The following GPT2 variants were observed in gnomAD, a reference collection of about 807,000 sequenced individuals.
GPT2 encodes alanine aminotransferase 2.
Under a neutral mutation model 56.9 loss-of-function variants are expected in GPT2, and 30 were observed. The observed-to-expected ratio is 0.53, with a 90% confidence interval of 0.39 to 0.72. The LOEUF is 0.72. Among genes scored for constraint, GPT2 ranks in the 30% least tolerant of loss-of-function variants. The pLI, the probability that GPT2 is intolerant of heterozygous loss-of-function variation, is 0.00. For synonymous variants in GPT2, 271 were observed against 283.1 expected, an observed-to-expected ratio of 0.96 and a Z score of 0.43; for missense variants, 542 against 703.4, an observed-to-expected ratio of 0.77 and a Z score of 2.60.
At chr16:46,907,226 C>T (rs1442543083) in intron 5 of GPT2, among the ~76,000 whole-genome samples, 1 of 152,232 alleles carries the variant, frequency 6.6e-6, no homozygotes, top group Admixed American at 6.5e-5. Flanking sequence ...CCGGGGGACA[C>T]CCGAGGGTAG....
At chr16:46,901,240 A>T (rs1008138244) in intron 4 of GPT2, among the ~76,000 whole-genome samples, 39 of 151,810 alleles carry the variant, frequency 2.6e-4, no homozygotes, top group Non-Finnish European at 5.9e-5. Context: ...GCACCTTGGG[A>T]CCCCTCCAGC....
At chr16:46,904,259 T>G (rs1294593687) in intron 4 of GPT2, among the ~76,000 whole-genome samples, 4 of 152,118 alleles carry the variant, frequency 2.6e-5, no homozygotes, top group Non-Finnish European at 5.9e-5. Context: ...ACAAAATAAC[T>G]GGAGGGGCCA....
intron 2 of GPT2, among the ~76,000 whole-genome samples, chr16:46,887,358 C>G (rs1426005497): frequency 2.6e-5 from 4 of 152,186 alleles, no homozygotes; most frequent in African/African-American, 9.7e-5. Flanking sequence ...ACTCCAGCTA[C>G]TCGGCAGGCT....
intron 2 of GPT2, among the ~76,000 whole-genome samples, chr16:46,894,550 T>G (rs957355545): frequency 6.6e-6 from 1 of 152,124 alleles, no homozygotes. Flanking sequence ...GTGGGATGAG[T>G]GTGGGGGCTG....
intron 5 of GPT2, among the ~76,000 whole-genome samples, chr16:46,907,287 G>A (rs1960949708): frequency 6.6e-6 from 1 of 152,374 alleles, no homozygotes; most frequent in East Asian, 1.9e-4. Flanking sequence ...CCTGTGCCAG[G>A]TGCTGGGGAG....
intron 5 of GPT2, among the ~76,000 whole-genome samples, chr16:46,909,009 TCAA>T (rs1960990826): frequency 6.6e-6 from 1 of 151,560 alleles, no homozygotes; most frequent in African/African-American, 2.4e-5. Context: ...TCAGAAATCT[TCAA>T]CAAGCATCCT....
At position 46,902,249 on chromosome 16, in the gene GPT2, G is replaced by C. The variant is rs372077973; in HGVS notation, c.442+1459G>C. Among the ~76,000 whole-genome samples the C allele has an allele frequency of 5.9e-5, 9 of 152,322 alleles. No individual in the cohort carries two copies. In the East Asian group the frequency reaches 1.5e-3, roughly 26 times the overall value. On this transcript the variant is annotated intron_variant, in intron 4 of 11. Coordinates refer to ENST00000340124, the MANE Select transcript of GPT2 (RefSeq NM_133443.4). Reference sequence around the variant, plus strand: ...CAGCAAAAGACCAGTTGGCCCTCATGGTTTTTGGGACCCACCCTAAGCCCT... The same window carrying C: ...CAGCAAAAGACCAGTTGGCCCTCATCGTTTTTGGGACCCACCCTAAGCCCT...
At position 46,924,488 on chromosome 16, in the gene GPT2, G is replaced by C. The variant is rs1403956708; in HGVS notation, c.1312G>C (p.Ala438Pro). The change falls in exon 10 of 12, where the codon GCC (alanine) becomes CCC (proline). Residue 438 changes from alanine to proline, a missense_variant. Ala to Pro is a conservative substitution (Grantham distance 27). Transcript: ENST00000340124. ...AATTCACTGCAACCCCTTGCAGGGGGCCATGTACGCCTTCCCTCGGATCTT... is the reference window on the plus strand; with the variant it reads ...AATTCACTGCAACCCCTTGCAGGGGCCCATGTACGCCTTCCCTCGGATCTT... Reference protein sequence around the residue: ...PGIHCNPLQGAMYAFPRIFIP... With the variant: ...PGIHCNPLQGPMYAFPRIFIP... 6.2e-7 allele frequency: 1 copy of C among 1,614,226 alleles called. No homozygotes were observed. Among genetic ancestry groups the C allele is most frequent in the Non-Finnish European group, 8.5e-7 (1 of 1,180,038 alleles).
chr16:46,906,785 T>C, intron 4 of GPT2, 57 bp from the exon 5 acceptor site: 1 of 1,602,752 alleles, frequency 6.2e-7, no homozygotes, highest in Non-Finnish European at 8.5e-7. Context: ...TTAATTATAT[T>C]GACCCTGTGG....
chr16:46,912,008 G>C (rs1209370325), intron 6 of GPT2, among the ~76,000 whole-genome samples: 1 of 152,206 alleles, frequency 6.6e-6, no homozygotes, highest in Non-Finnish European at 1.5e-5. Flanking sequence ...TGAGTGGGCA[G>C]GACCTGGCCT....
intron 4 of GPT2, 136 bp downstream of exon 4, chr16:46,900,926 C>A: frequency 4.7e-6 from 3 of 637,574 alleles, no homozygotes; most frequent in Admixed American, 2.6e-5. Context: ...ACAGAGTAAA[C>A]AAAAAATAGC....
At chr16:46,918,576 C>T (rs1289557961) in intron 7 of GPT2, 45 bp from the exon 8 acceptor site, 7 of 1,604,998 alleles carry the variant, frequency 4.4e-6, no homozygotes, top group Admixed American at 3.4e-5. Context: ...GGGCAGCAGC[C>T]TCTTTGAGGA....
chr16:46,929,050 C>T lies in GPT2; in HGVS notation c.*53C>T, dbSNP rs755020338. 7.7e-6 allele frequency: 11 copies of T among 1,435,008 alleles called. No homozygotes were observed. Among genetic ancestry groups the T allele is most frequent in the South Asian group, 2.3e-5 (2 of 86,992 alleles). The allele number at this position is 1,435,008 out of a possible 1,614,324, so 88.9% of individuals were successfully genotyped here. Reference sequence around the variant, plus strand: ...GTCCTTGGCTCTTCCTCCCAATGCCCGTCAGGCTGAACTCGCCTCCCCCGT... The same window carrying T: ...GTCCTTGGCTCTTCCTCCCAATGCCTGTCAGGCTGAACTCGCCTCCCCCGT... On this transcript the variant is annotated 3_prime_UTR_variant, in exon 12 of 12. Coordinates refer to ENST00000340124, the MANE Select transcript of GPT2 (RefSeq NM_133443.4).
intron 11 of GPT2, among the ~76,000 whole-genome samples, chr16:46,927,991 C>G (rs897926184): frequency 2.0e-5 from 3 of 152,088 alleles, no homozygotes; most frequent in African/African-American, 7.2e-5. Context: ...ATCTCTCTCT[C>G]AAACTCTAGG....
At chr16:46,921,737 C>T (rs1031915928) in intron 8 of GPT2, among the ~76,000 whole-genome samples, 1 of 152,278 alleles carries the variant, frequency 6.6e-6, no homozygotes, top group East Asian at 1.9e-4. Flanking sequence ...AATTACAGAA[C>T]TTGGCACGGT....
intron 4 of GPT2, among the ~76,000 whole-genome samples, chr16:46,903,861 T>C (rs1362099850): frequency 1.3e-5 from 2 of 152,114 alleles, no homozygotes; most frequent in Non-Finnish European, 2.9e-5. Flanking sequence ...TATACGAATG[T>C]GTAATCACTA....
intron 2 of GPT2, among the ~76,000 whole-genome samples, chr16:46,895,103 TC>T (rs1180942375): frequency 1.3e-5 from 2 of 152,046 alleles, no homozygotes; most frequent in East Asian, 3.9e-4. Context: ...CAGAGCCACT[TC>T]CGGGGCATCT....
chr16:46,900,578 A>T, intron 3 of GPT2, 104 bp from the exon 4 acceptor site: 2 of 833,158 alleles, frequency 2.4e-6, no homozygotes, highest in Non-Finnish European at 4.0e-6. Context: ...GGCTTGCGTC[A>T]GCCCCATCCC....
intron 6 of GPT2, among the ~76,000 whole-genome samples, chr16:46,910,659 G>A (rs919208195): frequency 2.0e-5 from 3 of 152,222 alleles, no homozygotes; most frequent in African/African-American, 4.8e-5. Context: ...TGAAGTGCAA[G>A]TGGTATGATC....
Sources: allele counts gnomAD v4.1 joint callset (sites outside exome capture counted in the v4.1 genomes callset), GRCh38; gene constraint gnomAD v4.1.1; transcripts MANE v1.5; gene names NCBI Gene and HGNC (gene_info 2026-07-23, HGNC 2026-07-21).